AUTS2: variants seen among roughly 807,000 people sequenced by gnomAD.
The protein encoded by AUTS2 is autism susceptibility gene 2 protein.
AUTS2 carries 17 observed loss-of-function variants against 112.4 expected under a neutral mutation model. That is an observed-to-expected ratio of 0.15 (90% CI 0.10 to 0.23). AUTS2 has a LOEUF of 0.23. AUTS2 is among the 10% of genes least tolerant of loss of function. The pLI is 1.00. For missense variants in AUTS2, 1,510 were observed against 1,701.6 expected (o/e 0.89, Z 1.98); for synonymous variants, 751 against 702.7 (o/e 1.07, Z -1.09).
intron 2 of AUTS2, among the ~76,000 whole-genome samples, chr7:69,967,678 T>C (rs749188211): frequency 9.9e-5 from 15 of 152,198 alleles, no homozygotes; most frequent in Non-Finnish European, 1.6e-4. Context: ...CACACTGCTT[T>C]TTCTCCAGCG....
chr7:70,682,812 A>G (rs1808277634), intron 5 of AUTS2, among the ~76,000 whole-genome samples: 1 of 152,274 alleles, frequency 6.6e-6, no homozygotes, highest in Non-Finnish European at 1.5e-5. Context: ...AGCCACACCC[A>G]AGATGGCTTC....
intron 4 of AUTS2, among the ~76,000 whole-genome samples, chr7:70,408,011 G>A (rs184467455): frequency 0.016 from 2,369 of 147,954 alleles, 64 homozygotes; most frequent in African/African-American, 0.056. Context: ...CCGAGATCGC[G>A]CCACTGCACT....
At chr7:70,108,522 T>G (rs1286693368) in intron 2 of AUTS2, among the ~76,000 whole-genome samples, 1 of 152,006 alleles carries the variant, frequency 6.6e-6, no homozygotes, top group African/African-American at 2.4e-5. Flanking sequence ...ATCCCTACAC[T>G]TCCCCCTTCC....
intron 1 of AUTS2, among the ~76,000 whole-genome samples, chr7:69,782,912 G>A (rs1266639101): frequency 6.6e-6 from 1 of 151,986 alleles, no homozygotes; most frequent in African/African-American, 2.4e-5. Context: ...TAATATTCTA[G>A]TTGTTTGGAT....
intron 2 of AUTS2, among the ~76,000 whole-genome samples, chr7:69,978,883 C>CAT (rs900492560): frequency 1.3e-5 from 2 of 150,124 alleles, no homozygotes; most frequent in African/African-American, 2.4e-5. Context: ...CACACACACA[C>CAT]ACACACACAC....
intron 4 of AUTS2, among the ~76,000 whole-genome samples, chr7:70,212,996 T>G (rs1460919952): frequency 1.3e-5 from 2 of 152,104 alleles, no homozygotes; most frequent in South Asian, 2.1e-4. Context: ...CAATAGTATG[T>G]TGTACATTTC....
intron 1 of AUTS2, among the ~76,000 whole-genome samples, chr7:69,686,037 GA>G (rs1445175428): frequency 1.3e-5 from 2 of 152,218 alleles, no homozygotes; most frequent in Non-Finnish European, 2.9e-5. Context: ...CTACTGTCAG[GA>G]AGGAGGGATA....
intron 1 of AUTS2, among the ~76,000 whole-genome samples, chr7:69,866,174 A>G (rs758612899): frequency 2.0e-5 from 3 of 152,032 alleles, no homozygotes. Context: ...CTGCTCATCT[A>G]CTTATTTCTG....
chr7:70,004,604 A>G (rs1044967146), intron 2 of AUTS2, among the ~76,000 whole-genome samples: 27 of 151,174 alleles, frequency 1.8e-4, no homozygotes, highest in African/African-American at 6.3e-4. Context: ...TTCATTGGTG[A>G]GAACAGCAAG....
intron 5 of AUTS2, among the ~76,000 whole-genome samples, chr7:70,484,390 C>T (rs554521218): frequency 6.6e-6 from 1 of 152,306 alleles, no homozygotes; most frequent in Admixed American, 6.5e-5. Context: ...GTTTTGTGGT[C>T]AGAGTAGTAC....
chr7:69,826,600 G>A (rs890885139), intron 1 of AUTS2, among the ~76,000 whole-genome samples: 9 of 152,166 alleles, frequency 5.9e-5, no homozygotes, highest in Non-Finnish European at 1.0e-4. Context: ...GAGCACAGTT[G>A]ATAGACGGGA....
chr7:70,456,984 T>TC (rs1796766297), intron 5 of AUTS2, among the ~76,000 whole-genome samples: 1 of 152,204 alleles, frequency 6.6e-6, no homozygotes, highest in African/African-American at 2.4e-5. Flanking sequence ...GAAGTCATCT[T>TC]CATCTCCACC....
At chr7:70,209,594 G>A (rs1054923870) in intron 4 of AUTS2, among the ~76,000 whole-genome samples, 1 of 152,148 alleles carries the variant, frequency 6.6e-6, no homozygotes, top group Non-Finnish European at 1.5e-5. Context: ...AAGACCCAGT[G>A]AAGGAGATGA....
rs147410639 is a variant in AUTS2 at position 70,451,587 on chromosome 7, C to T, written c.690+15806C>T. Among the ~76,000 whole-genome samples the T allele has an allele frequency of 1.1e-4, 16 of 152,094 alleles. No individual in the cohort carries two copies. The East Asian group carries it at 2.5e-3, about 24-fold the overall frequency. On this transcript the variant is annotated intron_variant, in intron 5 of 18. Coordinates refer to ENST00000342771, the MANE Select transcript of AUTS2 (RefSeq NM_015570.4). Reference sequence around the variant, plus strand: ...GTGCAACCTATGTAGTTTTTTTATGCCACATGTGTTAAAGTACCATATATA... The same window carrying T: ...GTGCAACCTATGTAGTTTTTTTATGTCACATGTGTTAAAGTACCATATATA...
chr7:69,808,755 G>C (rs950587566), intron 1 of AUTS2, among the ~76,000 whole-genome samples: 1 of 152,154 alleles, frequency 6.6e-6, no homozygotes, highest in Non-Finnish European at 1.5e-5. Flanking sequence ...TGTCTGGGCA[G>C]GGCAAGCCAA....
At chr7:70,033,610 G>T (rs539717234) in intron 2 of AUTS2, among the ~76,000 whole-genome samples, 2 of 152,142 alleles carry the variant, frequency 1.3e-5, no homozygotes, top group Non-Finnish European at 2.9e-5. Flanking sequence ...AGGAGAGAAT[G>T]TTGAAACCTG....
intron 1 of AUTS2, among the ~76,000 whole-genome samples, chr7:69,688,074 T>C (rs547566175): frequency 3.9e-5 from 6 of 152,384 alleles, no homozygotes; most frequent in African/African-American, 1.4e-4. Context: ...GGACCCATAA[T>C]GGTGTTTTGA....
intron 5 of AUTS2, among the ~76,000 whole-genome samples, chr7:70,484,982 A>C (rs906319065): frequency 2.6e-4 from 39 of 152,210 alleles, no homozygotes; most frequent in African/African-American, 8.2e-4. Context: ...TCAAAAAATA[A>C]TAGATGTTGC....
chr7:70,313,427 C>G (rs1050152537), intron 4 of AUTS2, among the ~76,000 whole-genome samples: 1 of 152,194 alleles, frequency 6.6e-6, no homozygotes, highest in African/African-American at 2.4e-5. Context: ...CAAAAAGATT[C>G]TCCTTGGGAT....
Sources: gnomAD v4.1 joint callset for allele counts (sites outside exome capture counted in the v4.1 genomes callset) on GRCh38, gnomAD v4.1.1 for gene constraint, MANE v1.5 for transcripts, NCBI Gene and HGNC (gene_info 2026-07-23, HGNC 2026-07-21) for gene names.